PAPSS2: variants seen among roughly 807,000 people sequenced by gnomAD.
PAPSS2 encodes the protein bifunctional 3'-phosphoadenosine 5'-phosphosulfate synthase 2.
Under a neutral mutation model 66.5 loss-of-function variants are expected in PAPSS2, and 61 were observed. The ratio of observed to expected loss-of-function variants is 0.92; its 90% CI spans 0.75 to 1.14. The LOEUF is 1.14. Ranked by LOEUF, PAPSS2 falls within the 50% of genes most tolerant of loss-of-function variation. The pLI, the probability that PAPSS2 is intolerant of heterozygous loss-of-function variation, is 0.00. For missense variants in PAPSS2, 708 were observed against 789.6 expected, an observed-to-expected ratio of 0.90 and a Z score of 1.24; for synonymous variants, 289 against 287.5, an observed-to-expected ratio of 1.01 and a Z score of -0.05.
At chr10:87,673,688 A>ATT (rs1852908351) in intron 1 of PAPSS2, among the ~76,000 whole-genome samples, 1 of 62,636 alleles carries the variant, frequency 1.6e-5, no homozygotes, top group African/African-American at 5.8e-5. Flanking sequence ...TTTTTGGCTT[A>ATT]CTTTTTTTTT....
At chr10:87,675,666 A>G (rs1852934815) in intron 1 of PAPSS2, among the ~76,000 whole-genome samples, 1 of 152,166 alleles carries the variant, frequency 6.6e-6, no homozygotes, top group Non-Finnish European at 1.5e-5. Context: ...GCATCTCCTA[A>G]TTTAGTGAGA....
chr10:87,726,809 G>T (rs1177701326), intron 8 of PAPSS2, among the ~76,000 whole-genome samples: 1 of 152,136 alleles, frequency 6.6e-6, no homozygotes, highest in Non-Finnish European at 1.5e-5. Context: ...CAGTGTATTG[G>T]TATGCAGATA....
intron 9 of PAPSS2, among the ~76,000 whole-genome samples, chr10:87,735,318 A>G (rs930639377): frequency 2.6e-5 from 4 of 152,154 alleles, no homozygotes; most frequent in Admixed American, 2.0e-4. Context: ...TGCCAAACAC[A>G]TAGTTTTAAC....
intron 9 of PAPSS2, among the ~76,000 whole-genome samples, chr10:87,740,748 A>G (rs926586751): frequency 2.0e-5 from 3 of 152,224 alleles, no homozygotes; most frequent in African/African-American, 2.4e-5. Flanking sequence ...ACTTCAGCCA[A>G]AACAATGTAT....
chr10:87,747,681 ATTTT>A lies in PAPSS2; in HGVS notation c.*1712_*1715del, dbSNP rs1194064707. On this transcript the variant is annotated 3_prime_UTR_variant, in exon 13 of 13. Coordinates refer to ENST00000456849, the MANE Select transcript of PAPSS2 (RefSeq NM_001015880.2). ...CTATGTACAACTGATGCTTGTTCTT[ATTTT>A]AATAAATTTATCAGAGTGAAGGCTG... The A allele has an allele frequency of 6.6e-6, 1 of 152,532 alleles. No homozygotes were observed. Among genetic ancestry groups the A allele is most frequent in the Non-Finnish European group, 1.5e-5 (1 of 68,022 alleles). The allele number at this position is 152,532 out of a possible 1,614,324, so 9.4% of individuals were successfully genotyped here.
At chr10:87,663,538 C>A (rs966904729) in intron 1 of PAPSS2, among the ~76,000 whole-genome samples, 1 of 152,138 alleles carries the variant, frequency 6.6e-6, no homozygotes, top group Non-Finnish European at 1.5e-5. Context: ...ACATCTCATC[C>A]CCACAGTAGC....
At chr10:87,736,263 C>CTTTTTTTTTTTTTTTTTTTTT (rs10553485) in intron 9 of PAPSS2, among the ~76,000 whole-genome samples, 2 of 103,250 alleles carry the variant, frequency 1.9e-5, no homozygotes, top group Non-Finnish European at 3.9e-5. Context: ...TTCTTTCTTT[C>CTTTTTTTTTTTTTTTTTTTTT]TTTTTTTTTT....
intron 9 of PAPSS2, among the ~76,000 whole-genome samples, chr10:87,733,701 A>T (rs1459621217): frequency 6.6e-6 from 1 of 152,158 alleles, no homozygotes; most frequent in African/African-American, 2.4e-5. Context: ...GTGGGTAGTT[A>T]AAGCTCCCCG....
intron 1 of PAPSS2, among the ~76,000 whole-genome samples, chr10:87,672,750 G>A (rs1852894744): frequency 6.6e-6 from 1 of 152,160 alleles, no homozygotes; most frequent in South Asian, 2.1e-4. Context: ...TAGACCAGGG[G>A]TTAGCAAATC....
At chr10:87,734,148 G>A (rs930081480) in intron 9 of PAPSS2, among the ~76,000 whole-genome samples, 1 of 151,900 alleles carries the variant, frequency 6.6e-6, no homozygotes, top group Non-Finnish European at 1.5e-5. Flanking sequence ...ACAATTTACC[G>A]CAAAGCCTCT....
chr10:87,706,667 G>A (rs1853395093), intron 1 of PAPSS2, among the ~76,000 whole-genome samples: 1 of 152,112 alleles, frequency 6.6e-6, no homozygotes, highest in South Asian at 2.1e-4. Context: ...GCTGGGGTGG[G>A]AGGATAGCTG....
Position 87,674,652 on chromosome 10 carries a change from TTAAGATC to T in PAPSS2, c.27+14647_27+14653del, listed in dbSNP as rs1235029808. 3.3e-5 allele frequency among the ~76,000 whole-genome samples: 5 copies of T among 152,174 alleles called. No individual in the cohort carries two copies. The East Asian group carries it at 7.7e-4, about 23-fold the overall frequency. On this transcript the variant is annotated intron_variant, in intron 1 of 12. Coordinates refer to ENST00000456849, the MANE Select transcript of PAPSS2 (RefSeq NM_001015880.2). ...ATCTGTGCTTTTTATAACTAGAAAA[TTAAGATC>T]TATAAAAAGATCTATAAAAGAGTTA...
intron 9 of PAPSS2, among the ~76,000 whole-genome samples, chr10:87,734,103 A>G (rs1853763039): frequency 1.3e-5 from 2 of 152,114 alleles, no homozygotes. Flanking sequence ...AGAGTGAATT[A>G]TTCAACTTTT....
chr10:87,704,068 G>A, intron 1 of PAPSS2: 1 of 488,802 alleles, frequency 2.0e-6, no homozygotes, highest in Non-Finnish European at 4.1e-6. Context: ...CTGCCCCCTT[G>A]CAGTTCAAGT....
chr10:87,671,315 AT>A lies in PAPSS2; in HGVS notation c.27+11310del, dbSNP rs1260746220. 2.0e-5 allele frequency among the ~76,000 whole-genome samples: 3 copies of A among 152,138 alleles called. No homozygotes were observed. The East Asian group carries it at 5.8e-4, about 29-fold the overall frequency. On this transcript the variant is annotated intron_variant, in intron 1 of 12. Coordinates refer to ENST00000456849, the MANE Select transcript of PAPSS2 (RefSeq NM_001015880.2). ...GGATGATGCAGGCGCTTTGAAAGGG[AT>A]TTCCTTAGGGGCTTTTTGTAATGTT...
At chr10:87,681,634 A>G (rs1853022746) in intron 1 of PAPSS2, among the ~76,000 whole-genome samples, 2 of 152,200 alleles carry the variant, frequency 1.3e-5, no homozygotes, top group Admixed American at 1.3e-4. Flanking sequence ...TACAACCATG[A>G]TCACACTCTA....
At chr10:87,713,383 A>T in intron 3 of PAPSS2, 73 bp downstream of exon 3, 1 of 843,590 alleles carries the variant, frequency 1.2e-6, no homozygotes, top group South Asian at 1.5e-5. Flanking sequence ...TCCAACTGCT[A>T]GGGGAAGGAA....
At chr10:87,712,401 C>G (rs1260034267) in intron 2 of PAPSS2, among the ~76,000 whole-genome samples, 1 of 152,204 alleles carries the variant, frequency 6.6e-6, no homozygotes, top group Non-Finnish European at 1.5e-5. Context: ...ACCACTGTCA[C>G]CACATCTTTT....
chr10:87,664,688 A>G (rs541537996), intron 1 of PAPSS2, among the ~76,000 whole-genome samples: 3 of 152,344 alleles, frequency 2.0e-5, no homozygotes, highest in South Asian at 2.1e-4. Flanking sequence ...AAAGGCATCA[A>G]TGATGTCAAT....
Sources: gnomAD v4.1 joint callset for allele counts (sites outside exome capture counted in the v4.1 genomes callset) on GRCh38, gnomAD v4.1.1 for gene constraint, MANE v1.5 for transcripts, NCBI Gene and HGNC (gene_info 2026-07-23, HGNC 2026-07-21) for gene names.